LY75: variants seen among roughly 807,000 people sequenced by gnomAD.
LY75 encodes the protein C-type lectin domain family 13 member B.
In LY75, 185 loss-of-function variants were observed where a neutral mutation model predicts 231.7. The observed-to-expected ratio is 0.80, with a 90% CI of 0.71 to 0.90. The LOEUF (loss-of-function observed/expected upper bound fraction) is 0.90. Ranked by LOEUF, LY75 falls within the 40% of genes least tolerant of loss-of-function variation. LY75 has a pLI of 0.00. For missense variants in LY75, 1,947 were observed against 2,050.2 expected, an observed-to-expected ratio of 0.95 and a Z score of 0.97; for synonymous variants, 668 against 689.0, an observed-to-expected ratio of 0.97 and a Z score of 0.48.
intron 33 of LY75, 37 bp from the exon 34 acceptor site, chr2:159,807,177 CACTAA>C: frequency 6.3e-7 from 1 of 1,580,060 alleles, no homozygotes; most frequent in Non-Finnish European, 8.6e-7. Context: ...TGTCTACTGC[CACTAA>C]ACTAGTAAGT....
intron 4 of LY75, 86 bp from the exon 5 acceptor site, chr2:159,886,616 A>C: frequency 7.6e-7 from 1 of 1,323,372 alleles, no homozygotes; most frequent in Non-Finnish European, 1.0e-6. Flanking sequence ...TAACAAACAA[A>C]TCTGCAGACC....
intron 14 of LY75, among the ~76,000 whole-genome samples, chr2:159,862,088 C>T (rs1054502822): frequency 6.6e-6 from 1 of 152,024 alleles, no homozygotes; most frequent in African/African-American, 2.4e-5. Context: ...ATCACAGGGT[C>T]AGGAGTTAGA....
intron 7 of LY75, among the ~76,000 whole-genome samples, chr2:159,881,819 G>A (rs953606858): frequency 6.6e-6 from 1 of 152,062 alleles, no homozygotes; most frequent in Non-Finnish European, 1.5e-5. Context: ...TCAATCAATG[G>A]CAGTACTGTC....
intron 8 of LY75, among the ~76,000 whole-genome samples, chr2:159,880,659 G>T (rs1362542657): frequency 6.6e-6 from 1 of 152,214 alleles, no homozygotes; most frequent in Admixed American, 6.5e-5. Flanking sequence ...CAGAAAGACA[G>T]TCTAGACTTT....
At chr2:159,828,825 A>G (rs1683561095) in intron 28 of LY75, among the ~76,000 whole-genome samples, 1 of 152,220 alleles carries the variant, frequency 6.6e-6, no homozygotes, top group Admixed American at 6.5e-5. Flanking sequence ...AAAAAGGAAT[A>G]ACGTACTGAT....
chr2:159,891,840 C>G (rs1275899564), intron 3 of LY75, among the ~76,000 whole-genome samples: 1 of 152,212 alleles, frequency 6.6e-6, no homozygotes, highest in Non-Finnish European at 1.5e-5. Context: ...ACCTGAGAAA[C>G]AGGGGTTTAC....
At chr2:159,895,574 G>T (rs776070409) in intron 2 of LY75, among the ~76,000 whole-genome samples, 58 of 152,274 alleles carry the variant, frequency 3.8e-4, no homozygotes, top group South Asian at 1.2e-3. Flanking sequence ...TCATAGGGGA[G>T]GTATTATACT....
intron 23 of LY75, among the ~76,000 whole-genome samples, chr2:159,847,352 G>A (rs1381205135): frequency 2.4e-4 from 37 of 152,052 alleles, no homozygotes. Context: ...TTTTTTTAGA[G>A]ACAGGGTCTT....
chr2:159,878,771 T>A (rs765751327), intron 9 of LY75, 50 bp from the exon 10 acceptor site: 4 of 1,596,320 alleles, frequency 2.5e-6, no homozygotes, highest in Middle Eastern at 3.3e-4. Context: ...CTTGATGGTG[T>A]CCCGTCTGGC....
chr2:159,880,982 T>C, intron 8 of LY75, 101 bp downstream of exon 8: 1 of 1,438,166 alleles, frequency 7.0e-7, no homozygotes, highest in South Asian at 1.4e-5. Context: ...CTCTTACCTT[T>C]TATTTTCCAG....
intron 23 of LY75, among the ~76,000 whole-genome samples, chr2:159,845,460 A>G (rs1684171601): frequency 6.6e-6 from 1 of 151,760 alleles, no homozygotes. Flanking sequence ...GTATGTGTGT[A>G]TATAACATAT....
chr2:159,892,924 G>A (rs776060871), intron 3 of LY75, among the ~76,000 whole-genome samples: 43 of 152,054 alleles, frequency 2.8e-4, no homozygotes, highest in Non-Finnish European at 5.9e-4. Context: ...TCTCTTTCCC[G>A]CTCTTTGCTT....
At position 159,875,434 on chromosome 2, in the gene LY75, G is replaced by A; in HGVS notation, c.1974+10C>T. The A allele has an allele frequency of 6.2e-7, 1 of 1,609,618 alleles. No homozygotes were observed. Among genetic ancestry groups the A allele is most frequent in the Non-Finnish European group, 8.5e-7 (1 of 1,178,378 alleles). ...CTTCATTGAAGGATAGAATGAGAAT[G>A]TCACTTTACCTTATAACAAGAAAGA... On this transcript the variant is annotated intron_variant, in intron 12 of 34. Transcript: ENST00000263636.
chr2:159,885,041 G>T, intron 6 of LY75, 112 bp downstream of exon 6: 2 of 1,424,022 alleles, frequency 1.4e-6, no homozygotes, highest in Non-Finnish European at 1.9e-6. Context: ...TGTACTGTCA[G>T]TATCAGGAGA....
At position 159,810,571 on chromosome 2, in the gene LY75, C is replaced by A. The variant is rs1309831711; in HGVS notation, c.4654G>T (p.Ala1552Ser). ...YKGHCYKSDQ[A>S]LHSFSEAKKL... The stretch of plus-strand genomic sequence containing the variant: ...TTGGCCTCTGAAAAACTGTGCAATG[C>A]CTGATCAGACTTGTAACAGTGACCC... Residue 1552 changes from alanine (A) to serine (S), a missense_variant, in exon 32 of 35, where the codon GCA (alanine) becomes TCA (serine). Physicochemically the swap from Ala to Ser is moderately conservative, Grantham distance 99. Transcript: ENST00000263636. 6.2e-7 allele frequency: 1 copy of A among 1,614,070 alleles called. No homozygotes were observed.
Position 159,805,308 on chromosome 2 carries a change from T to C in LY75, c.4991-86A>G. On this transcript the variant is annotated intron_variant, in intron 34 of 34. Coordinates refer to ENST00000263636, the MANE Select transcript of LY75 (RefSeq NM_002349.4). ...TATACATTATGGGTTGTGTCACACATGTAAACCTGTAAGCTGTATACAGAC... is the reference window on the plus strand; with the variant it reads ...TATACATTATGGGTTGTGTCACACACGTAAACCTGTAAGCTGTATACAGAC... 4 of 926,184 alleles carry C rather than the reference T, an allele frequency of 4.3e-6. No homozygotes were observed. In the South Asian group the frequency reaches 4.5e-5, roughly 10 times the overall value. 57.4% of individuals were successfully genotyped at this position (926,184 alleles called of 1,614,324 possible). A position where few individuals can be genotyped will look rare whatever the true frequency, so the allele number is the denominator to read the frequency against.
intron 11 of LY75, among the ~76,000 whole-genome samples, chr2:159,877,213 G>A (rs1685304298): frequency 6.6e-6 from 1 of 151,756 alleles, no homozygotes; most frequent in Admixed American, 6.6e-5. Context: ...AACTTTTGTG[G>A]GCATTTTCTA....
At chr2:159,821,355 C>T (rs1574528280) in intron 28 of LY75, among the ~76,000 whole-genome samples, 1 of 152,042 alleles carries the variant, frequency 6.6e-6, no homozygotes, top group South Asian at 2.1e-4. Context: ...GTGGCTCACC[C>T]CTGTAATCAC....
chr2:159,842,175 C>CCA (rs1684052328), intron 24 of LY75, 70 bp downstream of exon 24: 2 of 1,407,154 alleles, frequency 1.4e-6, no homozygotes, highest in African/African-American at 3.7e-5. Flanking sequence ...TAGAAAGTGA[C>CCA]TCTCTCTCTC....
Sources: allele counts gnomAD v4.1 joint callset (sites outside exome capture counted in the v4.1 genomes callset), GRCh38; gene constraint gnomAD v4.1.1; transcripts MANE v1.5; gene names NCBI Gene and HGNC (gene_info 2026-07-23, HGNC 2026-07-21).